The following CORO2B variants were observed in gnomAD, a reference collection of about 807,000 sequenced individuals.
CORO2B encodes coronin 2B.
CORO2B carries 26 observed loss-of-function variants against 58.8 expected under a neutral mutation model. The ratio of observed to expected loss-of-function variants is 0.44; its 90% CI spans 0.32 to 0.61. The LOEUF is 0.61. CORO2B is among the 20% of genes least tolerant of loss of function. The probability of loss-of-function intolerance (pLI) is 0.04; values close to 1 mark genes in which losing one functional copy is unlikely to be tolerated. For synonymous variants in CORO2B, 242 were observed against 253.8 expected (o/e 0.95, Z 0.44); for missense variants, 460 against 645.1 (o/e 0.71, Z 3.11).
chr15:68,543,777 C>T, the CORO2B span, among the ~76,000 whole-genome samples: 3 of 152,168 alleles, frequency 2.0e-5, no homozygotes, highest in Non-Finnish European at 4.4e-5. Context: ...ATCTCTCCTT[C>T]CTGCCTTAGT....
At chr15:68,705,074 G>A (rs1746278467) in intron 3 of CORO2B, among the ~76,000 whole-genome samples, 1 of 152,146 alleles carries the variant, frequency 6.6e-6, no homozygotes, top group African/African-American at 2.4e-5. Flanking sequence ...TGTAGCATGT[G>A]GTGCCAACTG....
At chr15:68,634,335 G>A (rs977559759) in intron 1 of CORO2B, among the ~76,000 whole-genome samples, 1 of 152,206 alleles carries the variant, frequency 6.6e-6, no homozygotes, top group South Asian at 2.1e-4. Context: ...GGCCGGCAGG[G>A]TGGTTGTCAG....
chr15:68,710,608 T>A lies in CORO2B; in HGVS notation c.334-124T>A. On this transcript the variant is annotated intron_variant, in intron 3 of 11. Transcript: ENST00000261861. The surrounding 1 kb of genome is among the most constrained non-coding windows in gnomAD (Gnocchi z 4.1). ...CCTCAGTCGAGCTTTGCCCATCGCC[T>A]CAAGCCAGGAGGTGGCTCATCAGGC... 1 of 1,212,216 alleles carries A rather than the reference T, an allele frequency of 8.2e-7. No individual in the cohort carries two copies. 75.1% of individuals were successfully genotyped at this position (1,212,216 alleles called of 1,614,324 possible). A position where few individuals can be genotyped will look rare whatever the true frequency, so the allele number is the denominator to read the frequency against.
the CORO2B span, among the ~76,000 whole-genome samples, chr15:68,543,117 C>CG: frequency 6.6e-6 from 1 of 152,096 alleles, no homozygotes; most frequent in African/African-American, 2.4e-5. Flanking sequence ...CAACAGGGAT[C>CG]GGGGGGTGGA....
chr15:68,571,416 T>C, the CORO2B span, among the ~76,000 whole-genome samples: 6 of 152,076 alleles, frequency 3.9e-5, no homozygotes, highest in Non-Finnish European at 7.4e-5. Context: ...TGGTGGGAGA[T>C]AAGAAATTAG....
Position 68,645,348 on chromosome 15 carries a change from C to A in CORO2B, c.204C>A (p.Ile68=). 1 of 1,611,234 alleles carries A rather than the reference C, an allele frequency of 6.2e-7. No homozygotes were observed. Among genetic ancestry groups the A allele is most frequent in the Non-Finnish European group, 8.5e-7 (1 of 1,179,930 alleles). The change falls in exon 2 of 12, where the codon ATC becomes ATA. Residue 68 remains isoleucine (I), a synonymous_variant. Coordinates refer to ENST00000261861, the MANE Select transcript of CORO2B (RefSeq NM_006091.5). This position sits in a 1 kb window ranked among gnomAD's most constrained non-coding sequence, Gnocchi z 4.5. ...CAGGGGGCGGCTCCTTCCTCGTCAT[C>A]CCCCTGGAGCAGGTAGGTGGCCCCT... ...ESAGGGSFLV[I]PLEQTGRIEP...
chr15:68,653,132 G>T (rs553536800), intron 2 of CORO2B, among the ~76,000 whole-genome samples: 1 of 152,300 alleles, frequency 6.6e-6, no homozygotes, highest in South Asian at 2.1e-4. Context: ...AGGAGAGGCA[G>T]GGGTGGGGTC....
At chr15:68,621,820 A>G (rs1021099393) in intron 1 of CORO2B, among the ~76,000 whole-genome samples, 3 of 149,932 alleles carry the variant, frequency 2.0e-5, no homozygotes, top group Non-Finnish European at 4.4e-5. Context: ...ACAGTGGTGC[A>G]ATCATGGGTC....
intron 3 of CORO2B, among the ~76,000 whole-genome samples, chr15:68,704,505 A>G (rs1892736653): frequency 6.6e-6 from 1 of 152,190 alleles, no homozygotes; most frequent in Admixed American, 6.5e-5. Context: ...CAGAGCCTGC[A>G]TTCTAACAGA....
intron 1 of CORO2B, among the ~76,000 whole-genome samples, chr15:68,633,601 A>G (rs952675922): frequency 6.6e-6 from 1 of 151,726 alleles, no homozygotes; most frequent in African/African-American, 2.4e-5. Context: ...TCTCCAAGTA[A>G]GCTCTGTGCA....
intron 3 of CORO2B, among the ~76,000 whole-genome samples, chr15:68,707,958 A>G (rs1293198603): frequency 4.2e-5 from 6 of 143,322 alleles, no homozygotes; most frequent in South Asian, 2.4e-4. Flanking sequence ...CCCTCCCACC[A>G]TCTCACAGGA....
chr15:68,542,070 C>A, the CORO2B span, among the ~76,000 whole-genome samples: 1 of 152,216 alleles, frequency 6.6e-6, no homozygotes, highest in Non-Finnish European at 1.5e-5. Context: ...GGGATGACTT[C>A]ATTGCCTGAG....
the CORO2B span, among the ~76,000 whole-genome samples, chr15:68,533,688 A>T: frequency 6.6e-6 from 1 of 152,366 alleles, no homozygotes; most frequent in East Asian, 1.9e-4. Context: ...CTCCCCAAGC[A>T]TAGTTTTAAA....
the CORO2B span, among the ~76,000 whole-genome samples, chr15:68,526,478 T>C: frequency 1.3e-5 from 2 of 152,354 alleles, no homozygotes; most frequent in South Asian, 4.1e-4. Flanking sequence ...GGTTTAGGCT[T>C]TCATTTCCAG....
In CORO2B at chr15:68,642,101, A is replaced by G. The variant is rs1595984730; in HGVS notation, c.16-3059A>G. 3.6e-5 allele frequency among the ~76,000 whole-genome samples: 5 copies of G among 139,874 alleles called. No individual in the cohort carries two copies. In the South Asian group the frequency reaches 1.2e-3, roughly 32 times the overall value. 91.8% of individuals were successfully genotyped at this position (139,874 alleles called of 152,430 possible). ...GCCCAAGCTGGAGTGCAGTGGCGCG[A>G]TCTCGGCTCACTGCAACCTCTGCCG... On this transcript the variant is annotated intron_variant, in intron 1 of 11. Coordinates refer to ENST00000261861, the MANE Select transcript of CORO2B (RefSeq NM_006091.5).
chr15:68,584,274 A>G (rs1003072651), intron 1 of CORO2B, among the ~76,000 whole-genome samples: 1 of 152,158 alleles, frequency 6.6e-6, no homozygotes. Context: ...CTCACTCTCC[A>G]GAAAAGCGCT....
intron 3 of CORO2B, among the ~76,000 whole-genome samples, chr15:68,700,885 G>A (rs1182321414): frequency 6.6e-6 from 1 of 152,072 alleles, no homozygotes; most frequent in African/African-American, 2.4e-5. Flanking sequence ...AGAGGCAGGC[G>A]CCTCTTGCTG....
At position 68,608,801 on chromosome 15, in the gene CORO2B, A is replaced by G. The variant is rs534088551; in HGVS notation, c.15+29524A>G. Among the ~76,000 whole-genome samples, 1,015 of 152,202 alleles carry G rather than the reference A, an allele frequency of 6.7e-3. 15 individuals carry two copies. Among genetic ancestry groups the G allele is most frequent in the African/African-American group, 0.023 (962 of 41,508 alleles). Reference sequence around the variant, plus strand: ...TTCCCACAGCTGGCTTTGAAGAGTTATGGGGCTCCAGGAGGGGAGTTGAAA... The same window carrying G: ...TTCCCACAGCTGGCTTTGAAGAGTTGTGGGGCTCCAGGAGGGGAGTTGAAA... On this transcript the variant is annotated intron_variant, in intron 1 of 11. Coordinates refer to ENST00000261861, the MANE Select transcript of CORO2B (RefSeq NM_006091.5).
chr15:68,586,453 G>A (rs931440962), intron 1 of CORO2B, among the ~76,000 whole-genome samples: 4 of 152,104 alleles, frequency 2.6e-5, no homozygotes, highest in Non-Finnish European at 4.4e-5. Flanking sequence ...GCAACAGGCC[G>A]GGGATGAATG....
Sources: gnomAD v4.1 joint callset for allele counts (sites outside exome capture counted in the v4.1 genomes callset) on GRCh38, gnomAD v4.1.1 for gene constraint, Gnocchi (gnomAD v3.1) non-coding constraint, MANE v1.5 for transcripts, NCBI Gene and HGNC (gene_info 2026-07-23, HGNC 2026-07-21) for gene names.